BTRC: variants seen among roughly 807,000 people sequenced by gnomAD.
BTRC encodes the protein beta-transducin repeat containing E3 ubiquitin protein ligase.
BTRC carries 42 observed loss-of-function variants against 85.5 expected under a neutral mutation model. The observed-to-expected ratio is 0.49, with a 90% CI of 0.38 to 0.64. The LOEUF is 0.64. Ranked by LOEUF, BTRC falls within the 30% of genes least tolerant of loss-of-function variation. The probability of loss-of-function intolerance (pLI) is 0.00; values close to 1 mark genes in which losing one functional copy is unlikely to be tolerated. For synonymous variants in BTRC, 255 were observed against 263.3 expected (o/e 0.97, Z 0.30); for missense variants, 594 against 743.5 (o/e 0.80, Z 2.34).
intron 2 of BTRC, among the ~76,000 whole-genome samples, chr10:101,432,592 G>T (rs1200023393): frequency 6.6e-6 from 1 of 152,090 alleles, no homozygotes; most frequent in Non-Finnish European, 1.5e-5. Context: ...GTGCCTAAAA[G>T]GCTGCTCCTA....
intron 13 of BTRC, among the ~76,000 whole-genome samples, chr10:101,540,323 G>C (rs1449931121): frequency 9.2e-6 from 1 of 108,118 alleles, no homozygotes; most frequent in Admixed American, 8.7e-5. Context: ...TAGATCAAAG[G>C]GTTGGGCTTT....
chr10:101,379,580 T>G (rs2133956777), intron 1 of BTRC, among the ~76,000 whole-genome samples: 1 of 152,288 alleles, frequency 6.6e-6, no homozygotes, highest in South Asian at 2.1e-4. Flanking sequence ...ATATTTTTTT[T>G]TCCTAAGAAG....
chr10:101,552,173 T>C (rs898292347), intron 14 of BTRC, among the ~76,000 whole-genome samples: 15 of 151,754 alleles, frequency 9.9e-5, no homozygotes, highest in African/African-American at 3.1e-4. Flanking sequence ...TATTTTATTT[T>C]ATTTCATTTT....
intron 4 of BTRC, among the ~76,000 whole-genome samples, chr10:101,508,926 A>AAAAAAAAAAAAAAAAAAAAAAAAAT: frequency 6.6e-6 from 1 of 151,086 alleles, no homozygotes; most frequent in Admixed American, 6.6e-5. Context: ...AAAAAAAAAA[A>AAAAAAAAAAAAAAAAAAAAAAAAAT]AAAAAAAAAA....
chr10:101,367,866 C>G (rs1452212153), intron 1 of BTRC, among the ~76,000 whole-genome samples: 2 of 152,126 alleles, frequency 1.3e-5, no homozygotes, highest in African/African-American at 4.8e-5. Context: ...TGGGTTATTT[C>G]CAGTTTTGGG....
chr10:101,362,101 C>T (rs915286760), intron 1 of BTRC, among the ~76,000 whole-genome samples: 5 of 152,096 alleles, frequency 3.3e-5, no homozygotes, highest in African/African-American at 9.7e-5. Flanking sequence ...GCTGGGATTA[C>T]AGGCACGTAC....
intron 3 of BTRC, among the ~76,000 whole-genome samples, chr10:101,462,314 AG>A (rs1945248776): frequency 6.6e-6 from 1 of 152,218 alleles, no homozygotes; most frequent in Admixed American, 6.5e-5. Flanking sequence ...CCTGTAATAA[AG>A]TTAGCCCTTT....
intron 1 of BTRC, among the ~76,000 whole-genome samples, chr10:101,361,350 A>G (rs533490336): frequency 5.3e-5 from 8 of 150,438 alleles, no homozygotes; most frequent in East Asian, 4.0e-4. Context: ...TTGTGATCCA[A>G]CCGCCTCAGC....
chr10:101,374,613 C>G (rs1942737149), intron 1 of BTRC, among the ~76,000 whole-genome samples: 1 of 120,978 alleles, frequency 8.3e-6, no homozygotes, highest in South Asian at 2.8e-4. Flanking sequence ...AGGGGAATAT[C>G]ACACTCTGGG....
In BTRC at chr10:101,556,320, T is replaced by TA. The variant is rs2062723391; in HGVS notation, c.*3198dup. 6.6e-6 allele frequency: 1 copy of TA among 152,222 alleles called. No individual in the cohort carries two copies. The highest frequency in any genetic ancestry group is 1.5e-5 in the Non-Finnish European group (1 of 68,046). The allele number at this position is 152,222 out of a possible 1,614,324, so 9.4% of individuals were successfully genotyped here. Reference sequence around the variant, plus strand: ...GAACAGCTGTAGTTGGTCTACTCCTTACTTAGCACTTGATTGTGTGGGGAA... The same window carrying TA: ...GAACAGCTGTAGTTGGTCTACTCCTTAACTTAGCACTTGATTGTGTGGGGAA... On this transcript the variant is annotated 3_prime_UTR_variant, in exon 15 of 15. Transcript: ENST00000370187.
At chr10:101,385,366 C>CAAAAAA (rs10718968) in intron 1 of BTRC, among the ~76,000 whole-genome samples, 13 of 82,776 alleles carry the variant, frequency 1.6e-4, no homozygotes, top group Non-Finnish European at 2.5e-4. Flanking sequence ...GACTCTGTCT[C>CAAAAAA]AAAAAAAAAA....
In BTRC at chr10:101,368,480, T is replaced by C. The variant is rs969025181; in HGVS notation, c.48+14252T>C. On this transcript the variant is annotated intron_variant, in intron 1 of 14. Coordinates refer to ENST00000370187, the MANE Select transcript of BTRC (RefSeq NM_033637.4). The stretch of plus-strand genomic sequence containing the variant: ...ACTGTTTTTCTTTTTTTTTTTTTTT[T>C]TTTTTTTTTTTTTTTTAGAGACAGG... Among the ~76,000 whole-genome samples the C allele has an allele frequency of 7.0e-4, 97 of 138,658 alleles. 1 individual carries two copies. The highest frequency in any genetic ancestry group is 7.0e-3 in the Middle Eastern group (2 of 286). 91.0% of individuals were successfully genotyped at this position (138,658 alleles called of 152,430 possible). A position where few individuals can be genotyped will look rare whatever the true frequency, so the allele number is the denominator to read the frequency against.
At chr10:101,486,525 A>G in intron 4 of BTRC, among the ~76,000 whole-genome samples, 1 of 152,114 alleles carries the variant, frequency 6.6e-6, no homozygotes, top group Non-Finnish European at 1.5e-5. Flanking sequence ...ATCTTAGTGT[A>G]GAAAGAAAAC....
chr10:101,546,607 T>C (rs1353004091), intron 13 of BTRC, among the ~76,000 whole-genome samples: 2 of 152,128 alleles, frequency 1.3e-5, no homozygotes, highest in Non-Finnish European at 2.9e-5. Context: ...CTAAAATCAA[T>C]AGTCTAAGCT....
intron 1 of BTRC, chr10:101,354,647 A>C (rs1590190010): frequency 4.4e-6 from 1 of 227,144 alleles, no homozygotes; most frequent in Admixed American, 5.8e-5. Flanking sequence ...ACGACTGGGG[A>C]AGGGAGCGCG....
chr10:101,474,841 T>C (rs1945634693), intron 3 of BTRC, among the ~76,000 whole-genome samples: 1 of 152,204 alleles, frequency 6.6e-6, no homozygotes, highest in South Asian at 2.1e-4. Context: ...TTTTCCGTCT[T>C]TTTTAAGTCG....
At chr10:101,539,786 A>G (rs1178608754) in intron 13 of BTRC, among the ~76,000 whole-genome samples, 1 of 152,198 alleles carries the variant, frequency 6.6e-6, no homozygotes, top group African/African-American at 2.4e-5. Flanking sequence ...TTTACATTAT[A>G]GTATATAGCA....
intron 1 of BTRC, among the ~76,000 whole-genome samples, chr10:101,366,948 T>TTATATAAATATA (rs1942445741): frequency 3.9e-5 from 1 of 25,436 alleles, no homozygotes; most frequent in South Asian, 9.0e-4. Context: ...TTATATATAT[T>TTATATAAATATA]TATATATATA....
At chr10:101,366,830 T>TTA (rs369863334) in intron 1 of BTRC, among the ~76,000 whole-genome samples, 25,199 of 44,888 alleles carry the variant, frequency 0.56, 9,176 homozygotes, top group African/African-American at 0.78. Flanking sequence ...TAATATATAT[T>TTA]TATATATATT....
Sources: gnomAD v4.1 joint callset for allele counts (sites outside exome capture counted in the v4.1 genomes callset) on GRCh38, gnomAD v4.1.1 for gene constraint, MANE v1.5 for transcripts, NCBI Gene and HGNC (gene_info 2026-07-23, HGNC 2026-07-21) for gene names.